The following CLSTN1 variants were observed in gnomAD, a reference collection of about 807,000 sequenced individuals.
CLSTN1 encodes calsyntenin 1.
CLSTN1 carries 28 observed loss-of-function variants against 108.3 expected under a neutral mutation model. The ratio of observed to expected loss-of-function variants is 0.26; its 90% CI spans 0.19 to 0.35. The LOEUF (loss-of-function observed/expected upper bound fraction) is 0.35, where lower values mean the gene tolerates loss of function less well. CLSTN1 is among the 10% of genes least tolerant of loss of function. The pLI, the probability that CLSTN1 is intolerant of heterozygous loss-of-function variation, is 1.00. For missense variants in CLSTN1, 1,157 were observed against 1,302.6 expected (o/e 0.89, Z 1.72); for synonymous variants, 524 against 534.9 (o/e 0.98, Z 0.28).
At chr1:9,783,518 G>A (rs775198169) in intron 1 of CLSTN1, among the ~76,000 whole-genome samples, 3 of 152,036 alleles carry the variant, frequency 2.0e-5, no homozygotes, top group East Asian at 1.9e-4. Flanking sequence ...TCAGGAGTTC[G>A]AGACCAGCTT....
intron 4 of CLSTN1, among the ~76,000 whole-genome samples, chr1:9,754,419 C>T (rs1042743207): frequency 2.0e-5 from 3 of 151,794 alleles, no homozygotes; most frequent in Non-Finnish European, 4.4e-5. Context: ...ATTAGCCAGG[C>T]GTGGTGGCAG....
rs1650270012 is a variant in CLSTN1 at position 9,730,142 on chromosome 1, GTT to G, written c.*364_*365del. On this transcript the variant is annotated 3_prime_UTR_variant, in exon 19 of 19. Transcript: ENST00000377298. This position sits in a 1 kb window ranked among gnomAD's most constrained non-coding sequence, Gnocchi z 5.6. ...ATGATTACCGGGTGGGAGTGAGCAT[GTT>G]TTACCCTTTGTCAACGAGCCCAGCT... The G allele has an allele frequency of 3.0e-6, 1 of 336,040 alleles. No homozygotes were observed. Among genetic ancestry groups the G allele is most frequent in the Non-Finnish European group, 5.6e-6 (1 of 179,992 alleles). The allele number at this position is 336,040 out of a possible 1,614,324, so 20.8% of individuals were successfully genotyped here. A position where few individuals can be genotyped will look rare whatever the true frequency, so the allele number is the denominator to read the frequency against.
intron 1 of CLSTN1, among the ~76,000 whole-genome samples, chr1:9,813,080 G>A (rs1001394179): frequency 1.2e-4 from 18 of 151,870 alleles, no homozygotes; most frequent in African/African-American, 2.4e-4. Flanking sequence ...CATGAGAATC[G>A]CTTGAACCCA....
chr1:9,744,725 T>C, intron 7 of CLSTN1, 82 bp from the exon 8 acceptor site: 1 of 1,446,460 alleles, frequency 6.9e-7, no homozygotes, highest in Non-Finnish European at 9.1e-7. Context: ...GTGCTTGTCT[T>C]ACACTTAGGC....
At chr1:9,735,804 C>G (rs1473279302) in intron 12 of CLSTN1, 81 bp downstream of exon 12, 1 of 1,555,200 alleles carries the variant, frequency 6.4e-7, no homozygotes, top group Non-Finnish European at 8.8e-7. Flanking sequence ...TCACAGATTA[C>G]TCACTCCCTC....
chr1:9,807,052 C>G (rs969831198), intron 1 of CLSTN1, among the ~76,000 whole-genome samples: 6 of 151,870 alleles, frequency 4.0e-5, no homozygotes, highest in African/African-American at 1.5e-4. Flanking sequence ...GTGTGTTCCC[C>G]GGGACACTGG....
At chr1:9,791,427 TC>T (rs1314884197) in intron 1 of CLSTN1, among the ~76,000 whole-genome samples, 1 of 151,290 alleles carries the variant, frequency 6.6e-6, no homozygotes, top group African/African-American at 2.4e-5. Context: ...GAGAAGGCGG[TC>T]TCACTGTATT....
chr1:9,761,647 C>G (rs1468301631), intron 2 of CLSTN1, among the ~76,000 whole-genome samples: 1 of 152,196 alleles, frequency 6.6e-6, no homozygotes, highest in Non-Finnish European at 1.5e-5. Context: ...TTTGCCCTCA[C>G]TTTCCTCATC....
At position 9,805,620 on chromosome 1, in the gene CLSTN1, A is replaced by G. The variant is rs555196635; in HGVS notation, c.91+18023T>C. ...AATGGCTCACACCTGCAATCCCAGC[A>G]CTTTGGGAGGCCGAGGCAAGTGGAT... On this transcript the variant is annotated intron_variant, in intron 1 of 18. Transcript: ENST00000377298. 1.1e-4 allele frequency among the ~76,000 whole-genome samples: 17 copies of G among 152,284 alleles called. No homozygotes were observed. In the South Asian group the frequency reaches 2.9e-3, roughly 26 times the overall value.
At chr1:9,771,403 C>CAGG (rs1652667055) in intron 2 of CLSTN1, among the ~76,000 whole-genome samples, 1 of 152,150 alleles carries the variant, frequency 6.6e-6, no homozygotes, top group Non-Finnish European at 1.5e-5. Context: ...ATCACAAGGT[C>CAGG]AGGAGTTCAA....
chr1:9,798,547 T>G (rs1296211327), intron 1 of CLSTN1, among the ~76,000 whole-genome samples: 1 of 152,146 alleles, frequency 6.6e-6, no homozygotes, highest in Non-Finnish European at 1.5e-5. Flanking sequence ...AGTAAATCCA[T>G]AGAGACAGAA....
Position 9,735,554 on chromosome 1 carries a change from T to C in CLSTN1, c.1796A>G (p.Asp599Gly), listed in dbSNP as rs757540763. 4 of 1,614,126 alleles carry C rather than the reference T, an allele frequency of 2.5e-6. No individual in the cohort carries two copies. The highest frequency in any genetic ancestry group is 1.1e-5 in the South Asian group (1 of 91,078). The change falls in exon 13 of 19, where the codon GAT becomes GGT. Residue 599 changes from aspartate (D) to glycine (G), a missense_variant. Coordinates refer to ENST00000377298, the MANE Select transcript of CLSTN1 (RefSeq NM_001009566.3). ...GTACGAGATGTGCTGCATGGCCTTATCCAATTCCCCGAGGTCTTCTCCCTC... is the reference window on the plus strand; with the variant it reads ...GTACGAGATGTGCTGCATGGCCTTACCCAATTCCCCGAGGTCTTCTCCCTC... ...TLEGEDLGEL[D>G]KAMQHISYLN...
intron 16 of CLSTN1, 29 bp downstream of exon 16, chr1:9,733,372 G>A (rs1242329376): frequency 6.2e-7 from 1 of 1,613,474 alleles, no homozygotes; most frequent in South Asian, 1.1e-5. Context: ...GCTGCTATTG[G>A]CCCTGCTCAG....
chr1:9,749,649 G>A lies in CLSTN1; in HGVS notation c.800-3C>T, dbSNP rs746246809. The A allele has an allele frequency of 1.9e-6, 3 of 1,613,432 alleles. No individual in the cohort carries two copies. The highest frequency in any genetic ancestry group is 3.3e-4 in the Middle Eastern group (2 of 6,054). On this transcript the variant is annotated splice_region_variant and splice_polypyrimidine_tract_variant and intron_variant, in intron 6 of 18. Transcript: ENST00000377298. ...ATACTCAATCCTGTTGTTCCATCCTGTGTTGGTCCACAAGTCAGCAGGGGA... is the reference window on the plus strand; with the variant it reads ...ATACTCAATCCTGTTGTTCCATCCTATGTTGGTCCACAAGTCAGCAGGGGA...
At chr1:9,779,308 C>A (rs1015260068) in intron 1 of CLSTN1, among the ~76,000 whole-genome samples, 2 of 152,190 alleles carry the variant, frequency 1.3e-5, no homozygotes, top group Non-Finnish European at 2.9e-5. Context: ...TGCAGTGGCT[C>A]ATGCCTGTAA....
At chr1:9,773,154 A>G (rs557999590) in intron 2 of CLSTN1, 118 bp downstream of exon 2, 1 of 1,392,882 alleles carries the variant, frequency 7.2e-7, no homozygotes, top group East Asian at 2.5e-5. Context: ...GGACGCTACA[A>G]ATAACCCTCA....
chr1:9,823,790 G>A lies in CLSTN1; in HGVS notation c.-57C>T, dbSNP rs1293224579. The A allele has an allele frequency of 4.5e-6, 4 of 885,428 alleles. No homozygotes were observed. The highest frequency in any genetic ancestry group is 5.1e-5 in the South Asian group (1 of 19,662). 54.8% of individuals were successfully genotyped at this position (885,428 alleles called of 1,614,324 possible). ...GCGCGGGACGCCGAGCGGAGCTCTC[G>A]GAGCTCTCGGGGCTCTAGGGGCCTG... On this transcript the variant is annotated 5_prime_UTR_variant, in exon 1 of 19. Transcript: ENST00000377298. The surrounding 1 kb of genome is among the most constrained non-coding windows in gnomAD (Gnocchi z 6.3).
chr1:9,749,195 C>T (rs1259594375), intron 7 of CLSTN1, among the ~76,000 whole-genome samples: 1 of 152,198 alleles, frequency 6.6e-6, no homozygotes, highest in Admixed American at 6.5e-5. Context: ...TAAGCCACCA[C>T]ATCTGGCCAC....
chr1:9,779,570 A>G (rs1460263112), intron 1 of CLSTN1, among the ~76,000 whole-genome samples: 1 of 152,164 alleles, frequency 6.6e-6, no homozygotes, highest in African/African-American at 2.4e-5. Flanking sequence ...GACAAGAGTG[A>G]AACTCTGTCT....
Sources: allele counts gnomAD v4.1 joint callset (sites outside exome capture counted in the v4.1 genomes callset), GRCh38; gene constraint gnomAD v4.1.1; non-coding constraint Gnocchi (gnomAD v3.1); transcripts MANE v1.5; gene names NCBI Gene and HGNC (gene_info 2026-07-23, HGNC 2026-07-21).